The following ARHGAP26 variants were observed in gnomAD, a reference collection of about 807,000 sequenced individuals.
ARHGAP26 encodes the protein Rho GTPase activating protein 26.
In ARHGAP26, 38 loss-of-function variants were observed where a neutral mutation model predicts 104.8. The ratio of observed to expected loss-of-function variants is 0.36; its 90% CI spans 0.28 to 0.48. The LOEUF is 0.48. Ranked by LOEUF, ARHGAP26 falls within the 20% of genes least tolerant of loss-of-function variation. The probability of loss-of-function intolerance (pLI) is 0.99; values close to 1 mark genes in which losing one functional copy is unlikely to be tolerated. For missense variants in ARHGAP26, 704 were observed against 947.9 expected, an observed-to-expected ratio of 0.74 and a Z score of 3.38; for synonymous variants, 341 against 340.0, an observed-to-expected ratio of 1.00 and a Z score of -0.03.
intron 2 of ARHGAP26, among the ~76,000 whole-genome samples, chr5:142,874,513 G>A (rs115701788): frequency 6.6e-6 from 1 of 152,162 alleles, no homozygotes; most frequent in African/African-American, 2.4e-5. Context: ...CAAGGGTCTC[G>A]AGTATCCTCA....
chr5:142,867,534 G>A (rs548730955), intron 1 of ARHGAP26, among the ~76,000 whole-genome samples: 1 of 152,086 alleles, frequency 6.6e-6, no homozygotes, highest in Non-Finnish European at 1.5e-5. Context: ...TCCCAGATAC[G>A]GGGAGAAAGA....
intron 7 of ARHGAP26, among the ~76,000 whole-genome samples, chr5:142,903,320 A>T (rs1760643470): frequency 6.6e-6 from 1 of 152,194 alleles, no homozygotes. Context: ...ATTTTCTATA[A>T]GATCCCTAGG....
intron 11 of ARHGAP26, among the ~76,000 whole-genome samples, chr5:142,935,084 A>G (rs987687312): frequency 2.0e-5 from 3 of 152,224 alleles, no homozygotes; most frequent in Non-Finnish European, 4.4e-5. Context: ...GTAAATTTGA[A>G]TTATTTTAAT....
intron 10 of ARHGAP26, chr5:142,915,824 G>C (rs1368755110): frequency 6.6e-6 from 1 of 152,032 alleles, no homozygotes; most frequent in Non-Finnish European, 1.5e-5. Context: ...TCAATATTTA[G>C]AAGGGAGTCC....
chr5:142,905,104 A>T (rs749263671), intron 8 of ARHGAP26, among the ~76,000 whole-genome samples: 54 of 152,178 alleles, frequency 3.5e-4, no homozygotes, highest in Non-Finnish European at 5.6e-4. Flanking sequence ...ATACAAAGTG[A>T]TCCCCTCTTT....
chr5:142,792,832 T>C (rs1435825754), intron 1 of ARHGAP26, among the ~76,000 whole-genome samples: 1 of 152,246 alleles, frequency 6.6e-6, no homozygotes, highest in South Asian at 2.1e-4. Flanking sequence ...TGATTTCTAC[T>C]ATCTTAATAA....
At chr5:142,999,201 C>A (rs1185096387) in intron 11 of ARHGAP26, among the ~76,000 whole-genome samples, 1 of 152,108 alleles carries the variant, frequency 6.6e-6, no homozygotes, top group Admixed American at 6.5e-5. Flanking sequence ...CTGATTAGGG[C>A]CACTATACTT....
chr5:143,054,086 G>A (rs867640421), intron 14 of ARHGAP26, among the ~76,000 whole-genome samples: 7 of 152,122 alleles, frequency 4.6e-5, no homozygotes, highest in East Asian at 1.9e-4. Context: ...AACTTTTCTC[G>A]TGCCTTATCT....
At chr5:142,943,557 C>T (rs1252712748) in intron 11 of ARHGAP26, among the ~76,000 whole-genome samples, 1 of 152,094 alleles carries the variant, frequency 6.6e-6, no homozygotes, top group Non-Finnish European at 1.5e-5. Flanking sequence ...CCCATAAGGC[C>T]CTACTTTCTG....
chr5:142,839,410 A>C (rs1051750745), intron 1 of ARHGAP26, among the ~76,000 whole-genome samples: 5 of 152,168 alleles, frequency 3.3e-5, no homozygotes, highest in Admixed American at 1.3e-4. Context: ...GCTAATGTAC[A>C]GAGCGGTCAT....
chr5:143,172,410 G>A (rs899268248), intron 20 of ARHGAP26, among the ~76,000 whole-genome samples: 2 of 152,146 alleles, frequency 1.3e-5, no homozygotes, highest in Admixed American at 6.5e-5. Context: ...GAGCCACCTA[G>A]CAGCCACGAC....
At position 142,967,001 on chromosome 5, in the gene ARHGAP26, GCATATTGTA is replaced by G. The variant is rs1771475851; in HGVS notation, c.1107+34882_1107+34890del. On this transcript the variant is annotated intron_variant, in intron 11 of 22. Transcript: ENST00000645722. ...TCATAACTCTTTGTGTGTATATAGT[GCATATTGTA>G]CATATGTATATGATACCACACATAG... Among the ~76,000 whole-genome samples the G allele has an allele frequency of 2.0e-5, 3 of 152,220 alleles. No homozygotes were observed. In the South Asian group the frequency reaches 6.2e-4, roughly 32 times the overall value.
At position 143,054,498 on chromosome 5, in the gene ARHGAP26, A is replaced by T; in HGVS notation, c.1345A>T (p.Ile449Phe). The stretch of plus-strand genomic sequence containing the variant: ...CTGTGCTGAATGGGAGATAAAGACC[A>T]TCACTAGTGCTCTGAAGACCTACCT... ...DICAEWEIKT[I>F]TSALKTYLRM... The change falls in exon 15 of 23, where the codon ATC becomes TTC. Residue 449 changes from isoleucine to phenylalanine, a missense_variant. Physicochemically the swap from Ile to Phe is conservative, Grantham distance 21. Transcript: ENST00000645722. 6.2e-7 allele frequency: 1 copy of T among 1,613,624 alleles called. No homozygotes were observed. The highest frequency in any genetic ancestry group is 1.1e-5 in the South Asian group (1 of 91,028).
At chr5:142,907,653 A>G (rs1761284984) in intron 8 of ARHGAP26, 51 bp from the exon 9 acceptor site, 2 of 1,301,448 alleles carry the variant, frequency 1.5e-6, no homozygotes, top group African/African-American at 1.5e-5. Flanking sequence ...CTCATGATGT[A>G]TAGCATACAG....
intron 1 of ARHGAP26, among the ~76,000 whole-genome samples, chr5:142,829,510 A>C (rs1767975519): frequency 6.6e-6 from 1 of 152,218 alleles, no homozygotes; most frequent in South Asian, 2.1e-4. Context: ...TAATAACTTC[A>C]AAAAGCTAGA....
intron 5 of ARHGAP26, among the ~76,000 whole-genome samples, chr5:142,889,992 G>A (rs138058740): frequency 6.7e-6 from 1 of 149,638 alleles, no homozygotes; most frequent in Admixed American, 6.6e-5. Flanking sequence ...AAAATTGGCC[G>A]GGCATGGTGG....
chr5:142,963,537 T>C (rs963597369), intron 11 of ARHGAP26, among the ~76,000 whole-genome samples: 2 of 152,060 alleles, frequency 1.3e-5, no homozygotes, highest in Non-Finnish European at 1.5e-5. Context: ...CTTTTTAATA[T>C]AGGAAGGCTT....
chr5:143,152,808 G>A (rs1800007094), intron 20 of ARHGAP26, among the ~76,000 whole-genome samples: 1 of 152,190 alleles, frequency 6.6e-6, no homozygotes, highest in Admixed American at 6.5e-5. Context: ...ACTGGAGAGA[G>A]AAGCCCAGCT....
chr5:143,127,307 G>A (rs1001630297), intron 18 of ARHGAP26, among the ~76,000 whole-genome samples: 6 of 152,188 alleles, frequency 3.9e-5, no homozygotes, highest in South Asian at 4.1e-4. Context: ...CACTCGAAAC[G>A]GTTTCTGTAC....
Sources: gnomAD v4.1 joint callset for allele counts (sites outside exome capture counted in the v4.1 genomes callset) on GRCh38, gnomAD v4.1.1 for gene constraint, MANE v1.5 for transcripts, NCBI Gene and HGNC (gene_info 2026-07-23, HGNC 2026-07-21) for gene names.